The following PHRF1 variants were observed in gnomAD, a reference collection of about 807,000 sequenced individuals.
PHRF1 encodes PHD and ring finger domains 1.
In PHRF1, 53 loss-of-function variants were observed where a neutral mutation model predicts 128.9. The ratio of observed to expected loss-of-function variants is 0.41; its 90% CI spans 0.33 to 0.52. PHRF1 has a LOEUF of 0.52. Among genes scored for constraint, PHRF1 ranks in the 20% least tolerant of loss-of-function variants. The pLI is 0.21. For missense variants in PHRF1, 2,503 were observed against 2,284.5 expected, an observed-to-expected ratio of 1.10 and a Z score of -1.95; for synonymous variants, 1,178 against 980.6, an observed-to-expected ratio of 1.20 and a Z score of -3.76.
intron 1 of PHRF1, among the ~76,000 whole-genome samples, chr11:580,186 A>G (rs1240191692): frequency 6.6e-6 from 1 of 152,220 alleles, no homozygotes; most frequent in African/African-American, 2.4e-5. Context: ...CTCCTAGGAC[A>G]GGCCTTTCCT....
intron 9 of PHRF1, among the ~76,000 whole-genome samples, chr11:599,324 C>G (rs1432495130): frequency 7.3e-6 from 1 of 137,336 alleles, no homozygotes; most frequent in African/African-American, 2.7e-5. Context: ...GATCTTGGCT[C>G]ACTGCATCCT....
At position 609,243 on chromosome 11, in the gene PHRF1, G is replaced by A. The variant is rs764656820; in HGVS notation, c.3787G>A (p.Asp1263Asn). The A allele has an allele frequency of 1.4e-5, 23 of 1,611,406 alleles. No homozygotes were observed. Among genetic ancestry groups the A allele is most frequent in the Non-Finnish European group, 1.9e-5 (22 of 1,179,880 alleles). Residue 1263 changes from aspartate (D) to asparagine (N), a missense_variant, in exon 14 of 18, where the codon GAC becomes AAC. Physicochemically the swap from Asp to Asn is conservative, Grantham distance 23. Transcript: ENST00000264555. ...EPDDLDLDYG[D>N]SVEAGHVFDD... ...GGACGACCTGGACCTGGATTATGGC[G>A]ACTCCGTGGAGGCCGGACACGTCTT...
At chr11:579,000 C>T (rs1433464809) in intron 1 of PHRF1, among the ~76,000 whole-genome samples, 5 of 152,162 alleles carry the variant, frequency 3.3e-5, no homozygotes, top group Non-Finnish European at 4.4e-5. Flanking sequence ...CCGCCATGCC[C>T]GGCTCATTTT....
At position 607,879 on chromosome 11, in the gene PHRF1, A is replaced by G; in HGVS notation, c.2423A>G (p.Gln808Arg). The G allele has an allele frequency of 1.2e-6, 2 of 1,612,750 alleles. No homozygotes were observed. The highest frequency in any genetic ancestry group is 1.7e-6 in the Non-Finnish European group (2 of 1,179,884). Reference protein sequence around the residue: ...NTFRPVDDKEQRKENPSPLFS... With the variant: ...NTFRPVDDKERRKENPSPLFS... ...TTCCGGCCTGTGGACGATAAGGAGC[A>G]GAGGAAGGAGAACCCCTCACCCCTC... The change falls in exon 14 of 18, where the codon CAG (glutamine) becomes CGG (arginine). Residue 808 changes from glutamine to arginine, a missense_variant. By Grantham distance (43) the Gln-to-Arg change is conservative (BLOSUM62 1). Coordinates refer to ENST00000264555, the MANE Select transcript of PHRF1 (RefSeq NM_001286581.2).
Position 609,580 on chromosome 11 carries a change from G to A in PHRF1, c.4124G>A (p.Ser1375Asn), listed in dbSNP as rs1462040176. 1.9e-6 allele frequency: 3 copies of A among 1,597,532 alleles called. No individual in the cohort carries two copies. Among genetic ancestry groups the A allele is most frequent in the Non-Finnish European group, 2.6e-6 (3 of 1,173,668 alleles). Residue 1375 changes from serine to asparagine, a missense_variant, in exon 14 of 18, where the codon AGT becomes AAT. By Grantham distance (46) the Ser-to-Asn change is conservative. Transcript: ENST00000264555. ...PAGKEDSPSA[S>N]GRVQEAARPE... ...GGGAAGGAAGACAGCCCCTCTGCGA[G>A]TGGGAGGGTACAGGAGGCAGCCCGG...
At chr11:590,081 C>T (rs902689870) in intron 4 of PHRF1, among the ~76,000 whole-genome samples, 16 of 150,512 alleles carry the variant, frequency 1.1e-4, no homozygotes, top group Middle Eastern at 3.4e-3. Context: ...ATGGAGCGTG[C>T]GGGGCTCAGC....
chr11:600,493 A>AATATATATATAT (rs35825045), intron 9 of PHRF1, among the ~76,000 whole-genome samples: 8 of 129,330 alleles, frequency 6.2e-5, no homozygotes, highest in African/African-American at 2.5e-4. Flanking sequence ...TGTCTCCAAA[A>AATATATATATAT]ATATATATAT....
In PHRF1 at chr11:606,324, C is replaced by T. The variant is rs545445755; in HGVS notation, c.1455-118C>T. On this transcript the variant is annotated intron_variant, in intron 12 of 17. Transcript: ENST00000264555. ...GCCGGAGCCAGGGCTGTGGGGGAGG[C>T]GCAGGCCCGGCCCAGCCCCACTCTC... 1.4e-4 allele frequency: 183 copies of T among 1,312,986 alleles called. 2 individuals are homozygous for T. In the African/African-American group the frequency reaches 2.3e-3, roughly 16 times the overall value. 81.3% of individuals were successfully genotyped at this position (1,312,986 alleles called of 1,614,324 possible). A position where few individuals can be genotyped will look rare whatever the true frequency, so the allele number is the denominator to read the frequency against.
chr11:577,640 A>G (rs1459963943), intron 1 of PHRF1, among the ~76,000 whole-genome samples: 2 of 152,220 alleles, frequency 1.3e-5, no homozygotes, highest in Non-Finnish European at 2.9e-5. Flanking sequence ...TTTGACTTCC[A>G]TTGCAGTTGA....
chr11:605,575 G>T (rs370066088), intron 11 of PHRF1, 30 bp from the exon 12 acceptor site: 2 of 1,608,402 alleles, frequency 1.2e-6, no homozygotes, highest in Non-Finnish European at 1.7e-6. Context: ...GGAGTCACTT[G>T]TTCCCTTTGG....
chr11:605,273 A>G lies in PHRF1; in HGVS notation c.1307A>G (p.Asp436Gly), dbSNP rs1025083671. ...IGAASLSLFG[D>G]PYELDPFDSS... ...GCTGCCTCTCTGTCTCTGTTTGGAGATCCTTATGAGCTGGATCCCTTCGAC... is the reference window on the plus strand; with the variant it reads ...GCTGCCTCTCTGTCTCTGTTTGGAGGTCCTTATGAGCTGGATCCCTTCGAC... Residue 436 changes from aspartate (D) to glycine (G), a missense_variant, in exon 11 of 18, where the codon GAT becomes GGT. Transcript: ENST00000264555. 1 of 1,613,378 alleles carries G rather than the reference A, an allele frequency of 6.2e-7. No individual in the cohort carries two copies. Among genetic ancestry groups the G allele is most frequent in the African/African-American group, 1.3e-5 (1 of 74,868 alleles).
At position 610,541 on chromosome 11, in the gene PHRF1, C is replaced by T; in HGVS notation, c.4457C>T (p.Ser1486Leu). ...PGLPPAPAQPSSIPPCALVSQ... is the reference protein window; with the variant it reads ...PGLPPAPAQPLSIPPCALVSQ... ...CTGCCGCCTGCCCCGGCCCAGCCCT[C>T]AAGCATCCCACCCTGCGCACTGGTC... The change falls in exon 16 of 18, where the codon TCA (serine) becomes TTA (leucine). Residue 1486 changes from serine (S) to leucine (L), a missense_variant. Coordinates refer to ENST00000264555, the MANE Select transcript of PHRF1 (RefSeq NM_001286581.2). The T allele has an allele frequency of 6.2e-7, 1 of 1,605,798 alleles. No homozygotes were observed. The highest frequency in any genetic ancestry group is 8.5e-7 in the Non-Finnish European group (1 of 1,179,584).
intron 1 of PHRF1, among the ~76,000 whole-genome samples, chr11:577,011 C>T (rs536787951): frequency 1.1e-4 from 16 of 152,206 alleles, no homozygotes; most frequent in Non-Finnish European, 7.4e-5. Context: ...CGCCCATGCC[C>T]CCTGCGAGTC....
Position 606,434 on chromosome 11 carries a change from G to A in PHRF1, c.1455-8G>A, listed in dbSNP as rs1173442584. 3.9e-6 allele frequency: 6 copies of A among 1,541,800 alleles called. No individual in the cohort carries two copies. Among genetic ancestry groups the A allele is most frequent in the Non-Finnish European group, 5.2e-6 (6 of 1,149,440 alleles). On this transcript the variant is annotated splice_polypyrimidine_tract_variant and splice_region_variant and intron_variant, in intron 12 of 17. Coordinates refer to ENST00000264555, the MANE Select transcript of PHRF1 (RefSeq NM_001286581.2). ...AGTGACGGCAGGGCCTTGGGTCTGTGCCCACAGGAGGCGCCTCCCTGCCGC... is the reference window on the plus strand; with the variant it reads ...AGTGACGGCAGGGCCTTGGGTCTGTACCCACAGGAGGCGCCTCCCTGCCGC...
In PHRF1 at chr11:609,417, A is replaced by G; in HGVS notation, c.3961A>G (p.Arg1321Gly). 1 of 1,609,728 alleles carries G rather than the reference A, an allele frequency of 6.2e-7. No homozygotes were observed. The highest frequency in any genetic ancestry group is 8.5e-7 in the Non-Finnish European group (1 of 1,179,810). ...CAGCCTGGCCGTGGCCGCCATCCAG[A>G]GGGAGGTGTCATTGATGCACGATGA... ...PASLAVAAIQ[R>G]EVSLMHDEDP... The change falls in exon 14 of 18, where the codon AGG (arginine) becomes GGG (glycine). Residue 1321 changes from arginine to glycine, a missense_variant. By Grantham distance (125) the Arg-to-Gly change is moderately radical. Transcript: ENST00000264555.
chr11:593,507 T>C (rs1006346129), intron 6 of PHRF1, among the ~76,000 whole-genome samples: 2 of 152,224 alleles, frequency 1.3e-5, no homozygotes, highest in African/African-American at 4.8e-5. Context: ...TCGTCCCAGC[T>C]TTGACTCGTC....
intron 11 of PHRF1, 25 bp downstream of exon 11, chr11:605,325 C>A: frequency 6.2e-7 from 1 of 1,606,052 alleles, no homozygotes; most frequent in South Asian, 1.1e-5. Context: ...GATGGTCCTG[C>A]CTGGGCACCC....
At position 587,432 on chromosome 11, in the gene PHRF1, T is replaced by A; in HGVS notation, c.388T>A (p.Phe130Ile). 1 of 1,613,546 alleles carries A rather than the reference T, an allele frequency of 6.2e-7. No homozygotes were observed. The highest frequency in any genetic ancestry group is 8.5e-7 in the Non-Finnish European group (1 of 1,179,886). The change falls in exon 4 of 18, where the codon TTC (phenylalanine) becomes ATC (isoleucine). Residue 130 changes from phenylalanine (F) to isoleucine (I), a missense_variant. Coordinates refer to ENST00000264555, the MANE Select transcript of PHRF1 (RefSeq NM_001286581.2). ...VGTPENCAHYFCLDCIVEWSK... is the reference protein window; with the variant it reads ...VGTPENCAHYICLDCIVEWSK... ...GACGCCGGAGAACTGTGCCCATTACTTCTGCCTGGACTGCATTGTCGAATG... is the reference window on the plus strand; with the variant it reads ...GACGCCGGAGAACTGTGCCCATTACATCTGCCTGGACTGCATTGTCGAATG...
intron 3 of PHRF1, among the ~76,000 whole-genome samples, 196 bp from the exon 4 acceptor site, chr11:587,063 G>A (rs560837954): frequency 6.6e-6 from 1 of 152,208 alleles, no homozygotes; most frequent in Non-Finnish European, 1.5e-5. Context: ...GAGGCTTCAG[G>A]TTAGGTGCAG....
Sources: allele counts gnomAD v4.1 joint callset (sites outside exome capture counted in the v4.1 genomes callset), GRCh38; gene constraint gnomAD v4.1.1; transcripts MANE v1.5; gene names NCBI Gene and HGNC (gene_info 2026-07-23, HGNC 2026-07-21).